Variants in TBXAS1 observed in about 807,000 individuals in gnomAD.
TBXAS1 encodes the protein thromboxane-A synthase.
A neutral mutation model predicts 60.7 loss-of-function variants in TBXAS1; 48 were observed. The observed-to-expected ratio is 0.79, with a 90% CI of 0.63 to 1.01. The LOEUF is 1.01. TBXAS1 is among the 50% of genes least tolerant of loss of function. The pLI, the probability that TBXAS1 is intolerant of heterozygous loss-of-function variation, is 0.00. For synonymous variants in TBXAS1, 287 were observed against 269.7 expected, an observed-to-expected ratio of 1.06 and a Z score of -0.63; for missense variants, 685 against 686.3, an observed-to-expected ratio of 1.00 and a Z score of 0.02.
intron 3 of TBXAS1, among the ~76,000 whole-genome samples, chr7:139,881,522 C>A (rs1411450009): frequency 6.6e-6 from 1 of 151,986 alleles, no homozygotes; most frequent in Non-Finnish European, 1.5e-5. Flanking sequence ...TGAAATGTCA[C>A]TTTTATCATT....
intron 9 of TBXAS1, among the ~76,000 whole-genome samples, chr7:139,996,007 T>G (rs1241068790): frequency 6.6e-6 from 1 of 152,190 alleles, no homozygotes; most frequent in Non-Finnish European, 1.5e-5. Flanking sequence ...GTCTTCTTCT[T>G]CATTATTATC....
chr7:139,834,931 A>C (rs1798954982), intron 1 of TBXAS1, among the ~76,000 whole-genome samples: 1 of 152,174 alleles, frequency 6.6e-6, no homozygotes, highest in African/African-American at 2.4e-5. Context: ...CTATTCCACA[A>C]GACAGAGAAA....
chr7:139,807,892 A>C (rs530898453), intron 4 of TBXAS1, among the ~76,000 whole-genome samples: 1 of 152,266 alleles, frequency 6.6e-6, no homozygotes, highest in African/African-American at 2.4e-5. Context: ...TCTGCTCTTT[A>C]GCATTTGCTG....
At chr7:140,019,419 T>C (rs752253599) in intron 12 of TBXAS1, among the ~76,000 whole-genome samples, 1 of 152,190 alleles carries the variant, frequency 6.6e-6, no homozygotes, top group African/African-American at 2.4e-5. Context: ...ACGCTGCTTA[T>C]GCCTGGCACT....
intron 10 of TBXAS1, among the ~76,000 whole-genome samples, chr7:140,011,625 A>C (rs1335977930): frequency 6.6e-6 from 1 of 152,028 alleles, no homozygotes; most frequent in Admixed American, 6.5e-5. Flanking sequence ...GGACTCACTC[A>C]GAGGAGCCAA....
intron 5 of TBXAS1, among the ~76,000 whole-genome samples, chr7:139,945,266 T>C (rs1479330650): frequency 6.6e-6 from 1 of 152,230 alleles, no homozygotes; most frequent in Non-Finnish European, 1.5e-5. Flanking sequence ...GTGACCTCCT[T>C]GGAATCTTCA....
Position 139,957,744 on chromosome 7 carries a change from GA to G in TBXAS1, c.800del (p.Asp267AlafsTer60), listed in dbSNP as rs1242886293. ...CATTAGGAATGTGATTGCCTTGCGGGACCAGCAAGCTGCCGAAGAGGTAACG... is the reference window on the plus strand; with the variant it reads ...CATTAGGAATGTGATTGCCTTGCGGGCCAGCAAGCTGCCGAAGAGGTAACG... ...KLIRNVIALRDQQAAEERRRD... is the reference protein window; with the variant it reads ...KLIRNVIALRXQQAAEERRRD... On this transcript the variant is annotated frameshift_variant, in exon 8 of 13. Coordinates refer to ENST00000448866, the MANE Select transcript of TBXAS1 (RefSeq NM_001061.7). LOFTEE classifies it high-confidence loss of function. 1 of 1,613,992 alleles carries G rather than the reference GA, an allele frequency of 6.2e-7. No homozygotes were observed. The highest frequency in any genetic ancestry group is 8.5e-7 in the Non-Finnish European group (1 of 1,180,040).
At chr7:140,006,583 G>C (rs112280140) in intron 9 of TBXAS1, among the ~76,000 whole-genome samples, 8,147 of 152,126 alleles carry the variant, frequency 0.054, 284 homozygotes, top group African/African-American at 0.095. Flanking sequence ...GTAGCTCTTT[G>C]GTTTTTGTTA....
At chr7:139,993,497 C>G (rs1158672248) in intron 9 of TBXAS1, among the ~76,000 whole-genome samples, 1 of 152,244 alleles carries the variant, frequency 6.6e-6, no homozygotes, top group Non-Finnish European at 1.5e-5. Flanking sequence ...AAGTTCATCT[C>G]CTGCTGACCC....
At position 139,957,748 on chromosome 7, in the gene TBXAS1, A is replaced by G. The variant is rs1417967721; in HGVS notation, c.803A>G (p.Gln268Arg). The G allele has an allele frequency of 1.2e-6, 2 of 1,614,154 alleles. No homozygotes were observed. The highest frequency in any genetic ancestry group is 1.1e-5 in the South Asian group (1 of 91,076). ...LIRNVIALRD[Q>R]QAAEERRRDF... ...AGGAATGTGATTGCCTTGCGGGACC[A>G]GCAAGCTGCCGAAGAGGTAACGTAT... is the stretch of plus-strand genomic sequence containing the variant. Residue 268 changes from glutamine (Q) to arginine (R), a missense_variant, in exon 8 of 13, where the codon CAG becomes CGG. Coordinates refer to ENST00000448866, the MANE Select transcript of TBXAS1 (RefSeq NM_001061.7).
chr7:139,837,890 G>A lies in TBXAS1; in HGVS notation c.89+8411G>A, dbSNP rs1799173324. ...TGCTTCTTGTGCTCTCAACCAGCCT[G>A]TGAGTTCTCTAAGGGTGAGGGCCAG... On this transcript the variant is annotated intron_variant, in intron 1 of 12. Coordinates refer to ENST00000448866, the MANE Select transcript of TBXAS1 (RefSeq NM_001061.7). 2.0e-5 allele frequency among the ~76,000 whole-genome samples: 3 copies of A among 152,198 alleles called. No homozygotes were observed. In the South Asian group the frequency reaches 6.2e-4, roughly 31 times the overall value.
intron 5 of TBXAS1, among the ~76,000 whole-genome samples, chr7:139,951,907 G>GAAAGAAAGAAAGAAAGAAAGAAAGAA (rs1334417048): frequency 5.0e-5 from 2 of 40,168 alleles, no homozygotes; most frequent in Admixed American, 7.0e-4. Flanking sequence ...AGGAAAGAAA[G>GAAAGAAAGAAAGAAAGAAAGAAAGAA]AGAAAGAAAG....
intron 5 of TBXAS1, among the ~76,000 whole-genome samples, chr7:139,948,710 G>A (rs183029148): frequency 6.6e-6 from 1 of 152,344 alleles, no homozygotes; most frequent in African/African-American, 2.4e-5. Flanking sequence ...GTGCATGTGT[G>A]TGTGTGTGCA....
chr7:139,812,112 C>G (rs921581542), intron 4 of TBXAS1, among the ~76,000 whole-genome samples: 3 of 152,144 alleles, frequency 2.0e-5, no homozygotes, highest in African/African-American at 7.2e-5. Flanking sequence ...TTCTTATTGC[C>G]GTCCTTGAAA....
intron 5 of TBXAS1, among the ~76,000 whole-genome samples, chr7:139,941,275 T>A (rs1222190452): frequency 1.3e-5 from 2 of 152,220 alleles, no homozygotes; most frequent in African/African-American, 2.4e-5. Flanking sequence ...CCTAAGTCCC[T>A]CTCTACCTGT....
At chr7:139,989,147 C>T (rs890203547) in intron 9 of TBXAS1, among the ~76,000 whole-genome samples, 2 of 152,236 alleles carry the variant, frequency 1.3e-5, no homozygotes, top group African/African-American at 4.8e-5. Context: ...GAGCTCTTTT[C>T]CAGAAACTTT....
intron 10 of TBXAS1, among the ~76,000 whole-genome samples, chr7:140,007,814 T>C (rs1031572836): frequency 2.6e-5 from 4 of 152,212 alleles, no homozygotes; most frequent in Non-Finnish European, 5.9e-5. Flanking sequence ...ACACTTCATG[T>C]TATATTCTTG....
chr7:139,942,460 C>G (rs930363319), intron 5 of TBXAS1, among the ~76,000 whole-genome samples: 2 of 152,156 alleles, frequency 1.3e-5, no homozygotes, highest in African/African-American at 4.8e-5. Context: ...ATGAAGAACC[C>G]AGTTTTTGAG....
In TBXAS1 at chr7:140,018,662, T is replaced by A. The variant is rs897787260; in HGVS notation, c.1527+829T>A. 3.3e-5 allele frequency among the ~76,000 whole-genome samples: 5 copies of A among 152,094 alleles called. No homozygotes were observed. In the East Asian group the frequency reaches 9.7e-4, roughly 29 times the overall value. ...TCACAGCAACCCTGCAGAGTAGGAG[T>A]GACTATTCCCATTCTTTAGATGAGG... On this transcript the variant is annotated intron_variant, in intron 12 of 12. Coordinates refer to ENST00000448866, the MANE Select transcript of TBXAS1 (RefSeq NM_001061.7).
Sources: allele counts gnomAD v4.1 joint callset (sites outside exome capture counted in the v4.1 genomes callset), GRCh38; gene constraint gnomAD v4.1.1; transcripts MANE v1.5; gene names NCBI Gene and HGNC (gene_info 2026-07-23, HGNC 2026-07-21).